ERC2: variants seen among roughly 807,000 people sequenced by gnomAD.
ERC2 encodes ELKS/RAB6-interacting/CAST family member 2.
Under a neutral mutation model 114.8 loss-of-function variants are expected in ERC2, and 42 were observed. That is an observed-to-expected ratio of 0.37 (90% CI 0.29 to 0.47). The LOEUF (loss-of-function observed/expected upper bound fraction) is 0.47, where lower values mean the gene tolerates loss of function less well. Ranked by LOEUF, ERC2 falls within the 20% of genes least tolerant of loss-of-function variation. The pLI, the probability that ERC2 is intolerant of heterozygous loss-of-function variation, is 0.99. For synonymous variants in ERC2, 454 were observed against 425.5 expected, an observed-to-expected ratio of 1.07 and a Z score of -0.82; for missense variants, 939 against 1,150.7, an observed-to-expected ratio of 0.82 and a Z score of 2.66.
chr3:55,964,733 G>A (rs1391241729), intron 12 of ERC2, among the ~76,000 whole-genome samples: 2 of 152,300 alleles, frequency 1.3e-5, no homozygotes, highest in Admixed American at 1.3e-4. Context: ...CTGAAATCAG[G>A]GTGTCAGCCA....
chr3:56,171,415 G>A (rs188052280), intron 4 of ERC2, among the ~76,000 whole-genome samples: 1 of 152,286 alleles, frequency 6.6e-6, no homozygotes, highest in Admixed American at 6.5e-5. Context: ...GCTTTTGTAA[G>A]TTAATAGGCA....
intron 17 of ERC2, among the ~76,000 whole-genome samples, chr3:55,636,945 C>T (rs1324180357): frequency 2.0e-5 from 3 of 152,108 alleles, no homozygotes; most frequent in Non-Finnish European, 4.4e-5. Context: ...GAAGTCAGTC[C>T]CTCCTAGCTT....
intron 14 of ERC2, among the ~76,000 whole-genome samples, chr3:55,756,064 C>T (rs1028195426): frequency 2.6e-5 from 4 of 151,986 alleles, no homozygotes; most frequent in African/African-American, 9.7e-5. Context: ...TGGTTCTAAG[C>T]TGAAAAATAC....
At chr3:56,236,912 A>G (rs1244177148) in intron 3 of ERC2, among the ~76,000 whole-genome samples, 3 of 152,228 alleles carry the variant, frequency 2.0e-5, no homozygotes, top group African/African-American at 7.2e-5. Context: ...GTGTTGAATG[A>G]ACAACCAACA....
chr3:55,614,346 C>T (rs993691424), intron 17 of ERC2, among the ~76,000 whole-genome samples: 9 of 152,106 alleles, frequency 5.9e-5, no homozygotes, highest in Non-Finnish European at 1.2e-4. Context: ...TGGGGAGGAT[C>T]TGGGTATTCT....
intron 2 of ERC2, among the ~76,000 whole-genome samples, chr3:56,373,878 G>T (rs1437177295): frequency 6.6e-6 from 1 of 152,006 alleles, no homozygotes; most frequent in Non-Finnish European, 1.5e-5. Context: ...GCATTCTTTT[G>T]TGGGTTTTTT....
At chr3:56,025,725 G>A (rs886116881) in intron 7 of ERC2, among the ~76,000 whole-genome samples, 1 of 152,180 alleles carries the variant, frequency 6.6e-6, no homozygotes, top group Admixed American at 6.5e-5. Flanking sequence ...CAATAGACTA[G>A]TGACCTTAAT....
At position 55,964,029 on chromosome 3, in the gene ERC2, T is replaced by C. The variant is rs549756168; in HGVS notation, c.2268-13469A>G. 1.4e-3 allele frequency among the ~76,000 whole-genome samples: 210 copies of C among 152,300 alleles called. 1 individual carries two copies. The highest frequency in any genetic ancestry group is 2.2e-3 in the Non-Finnish European group (149 of 68,018). On this transcript the variant is annotated intron_variant, in intron 12 of 17. Transcript: ENST00000288221. ...AATCTTATATGATGATTTTCCAAAT[T>C]AGAGTATGGAAGTAATGTGTTGGCG... is the stretch of plus-strand genomic sequence containing the variant.
intron 16 of ERC2, among the ~76,000 whole-genome samples, chr3:55,691,619 C>T (rs796377707): frequency 3.2e-4 from 42 of 129,318 alleles, no homozygotes; most frequent in African/African-American, 1.2e-3. Flanking sequence ...CTTATCTGGG[C>T]AAGCTTTAGA....
At chr3:56,066,291 T>C (rs946702785) in intron 7 of ERC2, among the ~76,000 whole-genome samples, 7 of 152,370 alleles carry the variant, frequency 4.6e-5, no homozygotes, top group African/African-American at 1.7e-4. Flanking sequence ...ATTTCTCTAA[T>C]GATCAGTGAT....
At chr3:56,219,448 G>A (rs1306282488) in intron 3 of ERC2, among the ~76,000 whole-genome samples, 1 of 151,978 alleles carries the variant, frequency 6.6e-6, no homozygotes, top group Non-Finnish European at 1.5e-5. Context: ...ACTGTGCAGG[G>A]GCTAGGTGTA....
At chr3:56,147,048 G>T (rs753454428) in intron 5 of ERC2, among the ~76,000 whole-genome samples, 2 of 152,226 alleles carry the variant, frequency 1.3e-5, no homozygotes, top group African/African-American at 2.4e-5. Context: ...GACATTTTCA[G>T]CTGTAGAAGT....
chr3:56,133,610 A>G (rs2080333749), intron 6 of ERC2, among the ~76,000 whole-genome samples: 1 of 152,322 alleles, frequency 6.6e-6, no homozygotes, highest in Non-Finnish European at 1.5e-5. Context: ...ACCTTGAGCA[A>G]GTTATACATC....
Position 55,807,118 on chromosome 3 carries a change from A to G in ERC2, c.2565-72200T>C, listed in dbSNP as rs557968803. On this transcript the variant is annotated intron_variant, in intron 14 of 17. Coordinates refer to ENST00000288221, the MANE Select transcript of ERC2 (RefSeq NM_015576.3). Reference sequence around the variant, plus strand: ...TAGCATTTAATTCAACATGTGAAGGACGGTGAAGGATGACTCAGATAAAGA... The same window carrying G: ...TAGCATTTAATTCAACATGTGAAGGGCGGTGAAGGATGACTCAGATAAAGA... 7.9e-5 allele frequency among the ~76,000 whole-genome samples: 12 copies of G among 152,328 alleles called. No homozygotes were observed. In the South Asian group the frequency reaches 2.3e-3, roughly 29 times the overall value.
chr3:56,150,074 A>G (rs2081340700), intron 4 of ERC2, among the ~76,000 whole-genome samples: 1 of 152,212 alleles, frequency 6.6e-6, no homozygotes, highest in Non-Finnish European at 1.5e-5. Context: ...AAGTTTTCTC[A>G]GTGTCCCATC....
intron 17 of ERC2, among the ~76,000 whole-genome samples, chr3:55,526,639 T>C (rs1236522985): frequency 6.6e-6 from 1 of 152,172 alleles, no homozygotes; most frequent in Non-Finnish European, 1.5e-5. Flanking sequence ...GAGATTTCAA[T>C]TGGCCATGAA....
At chr3:55,694,586 C>A (rs1310849803) in intron 16 of ERC2, among the ~76,000 whole-genome samples, 1 of 152,232 alleles carries the variant, frequency 6.6e-6, no homozygotes, top group African/African-American at 2.4e-5. Flanking sequence ...AGCTCTCCAA[C>A]ACCTATGAGC....
At chr3:55,836,690 G>A (rs62251597) in intron 14 of ERC2, among the ~76,000 whole-genome samples, 26,981 of 151,490 alleles carry the variant, frequency 0.18, 3,546 homozygotes, top group African/African-American at 0.37. Context: ...GGACATAGGC[G>A]TGGGCAAGGA....
intron 13 of ERC2, among the ~76,000 whole-genome samples, chr3:55,920,756 T>G (rs2065379060): frequency 6.6e-6 from 1 of 151,988 alleles, no homozygotes; most frequent in Non-Finnish European, 1.5e-5. Flanking sequence ...GAAGAGGAAG[T>G]GGGGAGGTTA....
Sources: gnomAD v4.1 joint callset for allele counts (sites outside exome capture counted in the v4.1 genomes callset) on GRCh38, gnomAD v4.1.1 for gene constraint, MANE v1.5 for transcripts, NCBI Gene and HGNC (gene_info 2026-07-23, HGNC 2026-07-21) for gene names.